Variants in SGCZ observed in about 807,000 individuals in gnomAD.
SGCZ encodes the protein zeta-sarcoglycan.
Under a neutral mutation model 41.3 loss-of-function variants are expected in SGCZ, and 40 were observed. The observed-to-expected ratio is 0.97, with a 90% CI of 0.75 to 1.26. The LOEUF is 1.26. SGCZ is among the 50% of genes most tolerant of loss of function. The pLI is 0.00. For synonymous variants in SGCZ, 206 were observed against 137.5 expected (o/e 1.50, Z -3.49); for missense variants, 552 against 369.8 (o/e 1.49, Z -4.04).
At chr8:14,283,207 A>C (rs951349351) in intron 3 of SGCZ, among the ~76,000 whole-genome samples, 1 of 152,026 alleles carries the variant, frequency 6.6e-6, no homozygotes, top group Non-Finnish European at 1.5e-5. Flanking sequence ...AAAAATACCA[A>C]TCTTAAATGA....
intron 1 of SGCZ, among the ~76,000 whole-genome samples, chr8:14,662,289 T>C (rs1807778653): frequency 1.3e-5 from 2 of 152,228 alleles, no homozygotes; most frequent in African/African-American, 2.4e-5. Context: ...ACAGATGTTA[T>C]TTCCAATTTT....
At chr8:14,367,732 C>T (rs1015918378) in intron 2 of SGCZ, among the ~76,000 whole-genome samples, 2 of 152,078 alleles carry the variant, frequency 1.3e-5, no homozygotes, top group African/African-American at 4.8e-5. Context: ...GGGGAAACCA[C>T]CCCCATAAAC....
At chr8:14,990,321 T>A (rs1282968145) in intron 1 of SGCZ, among the ~76,000 whole-genome samples, 1 of 151,994 alleles carries the variant, frequency 6.6e-6, no homozygotes, top group African/African-American at 2.4e-5. Context: ...GAGGCCAGGG[T>A]CCCTAATCCC....
chr8:14,225,929 A>G (rs1278999631), intron 4 of SGCZ, among the ~76,000 whole-genome samples: 1 of 152,118 alleles, frequency 6.6e-6, no homozygotes, highest in Admixed American at 6.6e-5. Flanking sequence ...TGAAAGAAAT[A>G]AAGTTACACA....
chr8:14,482,573 C>A (rs1001194304), intron 2 of SGCZ, among the ~76,000 whole-genome samples: 3 of 152,106 alleles, frequency 2.0e-5, no homozygotes, highest in Non-Finnish European at 2.9e-5. Context: ...TAATTTTCTG[C>A]TTCGACTTGA....
intron 1 of SGCZ, among the ~76,000 whole-genome samples, chr8:14,590,885 T>A (rs1179425027): frequency 6.7e-6 from 1 of 148,980 alleles, no homozygotes; most frequent in Non-Finnish European, 1.5e-5. Context: ...TTATACTATA[T>A]ATGTCATATA....
chr8:14,831,952 A>G (rs1387376056), intron 1 of SGCZ, among the ~76,000 whole-genome samples: 3 of 152,108 alleles, frequency 2.0e-5, no homozygotes, highest in Admixed American at 6.6e-5. Flanking sequence ...GATTTAATGA[A>G]AAGTGTTTTA....
chr8:15,152,420 A>G (rs1799204056), intron 1 of SGCZ, among the ~76,000 whole-genome samples: 1 of 152,246 alleles, frequency 6.6e-6, no homozygotes, highest in South Asian at 2.1e-4. Context: ...AAATAAACAC[A>G]TAACCTGGAG....
At chr8:14,853,669 T>C (rs1365544549) in intron 1 of SGCZ, among the ~76,000 whole-genome samples, 1 of 152,166 alleles carries the variant, frequency 6.6e-6, no homozygotes, top group Non-Finnish European at 1.5e-5. Flanking sequence ...TGGCAGTTCC[T>C]AGAATGACAA....
At chr8:14,429,902 C>T (rs1169770590) in intron 2 of SGCZ, among the ~76,000 whole-genome samples, 1 of 151,938 alleles carries the variant, frequency 6.6e-6, no homozygotes, top group Non-Finnish European at 1.5e-5. Flanking sequence ...TGCATCTTTC[C>T]AGGAATGTAT....
intron 1 of SGCZ, among the ~76,000 whole-genome samples, chr8:14,578,606 T>C (rs1391120073): frequency 6.6e-6 from 1 of 152,222 alleles, no homozygotes; most frequent in African/African-American, 2.4e-5. Flanking sequence ...TTAATATGTA[T>C]GAGTGCTAAA....
At chr8:14,683,884 T>C (rs1808524591) in intron 1 of SGCZ, among the ~76,000 whole-genome samples, 1 of 152,178 alleles carries the variant, frequency 6.6e-6, no homozygotes, top group Non-Finnish European at 1.5e-5. Context: ...CACTTAAACG[T>C]ACCATCAACT....
rs199672079 is a variant in SGCZ, at chr8:14,352,412, GA to G, written c.235-28209del. ...AGAAATACGGCACAAAATGTGTAAA[GA>G]AAGGGAAGAAATAAGTTTGTGTAGT... On this transcript the variant is annotated intron_variant, in intron 2 of 7. Transcript: ENST00000382080. 6.2e-3 allele frequency among the ~76,000 whole-genome samples: 941 copies of G among 152,152 alleles called. 13 individuals carry two copies. The highest frequency in any genetic ancestry group is 0.022 in the African/African-American group (902 of 41,534).
chr8:14,948,877 T>TTC lies in SGCZ; in HGVS notation c.39+288706_39+288707dup, dbSNP rs3069796. 4.7e-3 allele frequency among the ~76,000 whole-genome samples: 619 copies of TTC among 130,880 alleles called. 5 individuals are homozygous for TTC. The highest frequency in any genetic ancestry group is 0.022 in the South Asian group (87 of 4,038). 85.9% of individuals were successfully genotyped at this position (130,880 alleles called of 152,430 possible). The stretch of plus-strand genomic sequence containing the variant: ...ATTCTTTAACCCTGTTACAGCTTTT[T>TTC]TCTCTCTCTCTCTCTCTCTCAAAAT... On this transcript the variant is annotated intron_variant, in intron 1 of 7. Coordinates refer to ENST00000382080, the MANE Select transcript of SGCZ (RefSeq NM_139167.4).
At chr8:14,886,036 A>ATAT (rs1563339267) in intron 1 of SGCZ, among the ~76,000 whole-genome samples, 3 of 75,308 alleles carry the variant, frequency 4.0e-5, no homozygotes, top group African/African-American at 1.5e-4. Context: ...TATATATATA[A>ATAT]AATTGTATAC....
chr8:14,269,455 A>C (rs896917558), intron 3 of SGCZ, among the ~76,000 whole-genome samples: 1 of 152,056 alleles, frequency 6.6e-6, no homozygotes, highest in African/African-American at 2.4e-5. Context: ...TTATTTCAAA[A>C]CGAGGCACTG....
chr8:14,439,604 T>C (rs191674734), intron 2 of SGCZ, among the ~76,000 whole-genome samples: 15 of 151,936 alleles, frequency 9.9e-5, no homozygotes, highest in Admixed American at 3.3e-4. Context: ...GAGGTTTCCA[T>C]GAATGCAAGC....
intron 1 of SGCZ, among the ~76,000 whole-genome samples, chr8:15,029,056 G>T (rs1467534041): frequency 2.0e-5 from 3 of 152,070 alleles, no homozygotes; most frequent in Non-Finnish European, 4.4e-5. Context: ...AATTGAAGAT[G>T]ATTGGGAGAC....
chr8:14,227,787 A>G (rs1162730080), intron 4 of SGCZ, among the ~76,000 whole-genome samples: 1 of 152,006 alleles, frequency 6.6e-6, no homozygotes, highest in Admixed American at 6.6e-5. Flanking sequence ...TATTCCCACT[A>G]CGGTTTATTT....
Sources: allele counts gnomAD v4.1 joint callset (sites outside exome capture counted in the v4.1 genomes callset), GRCh38; gene constraint gnomAD v4.1.1; transcripts MANE v1.5; gene names NCBI Gene and HGNC (gene_info 2026-07-23, HGNC 2026-07-21).